The following GLI3 variants were observed in gnomAD, a reference collection of about 807,000 sequenced individuals.
GLI3 encodes transcription activator GLI3.
GLI3 carries 20 observed loss-of-function variants against 100.8 expected under a neutral mutation model. That is an observed-to-expected ratio of 0.20 (90% CI 0.14 to 0.29). The LOEUF is 0.29. Ranked by LOEUF, GLI3 falls within the 10% of genes least tolerant of loss-of-function variation. The probability of loss-of-function intolerance (pLI) is 1.00; values close to 1 mark genes in which losing one functional copy is unlikely to be tolerated. For missense variants in GLI3, 2,040 were observed against 2,128.5 expected, an observed-to-expected ratio of 0.96 and a Z score of 0.82; for synonymous variants, 938 against 860.5, an observed-to-expected ratio of 1.09 and a Z score of -1.58.
chr7:42,039,106 G>A (rs893092125), intron 7 of GLI3, among the ~76,000 whole-genome samples: 1 of 152,224 alleles, frequency 6.6e-6, no homozygotes, highest in Non-Finnish European at 1.5e-5. Flanking sequence ...TAGGGGAAAT[G>A]AGAGTTTAAA....
At position 41,960,962 on chromosome 7, in the gene GLI3, A is replaced by T. The variant is rs1430436724; in HGVS notation, c.*3368T>A. 1 of 152,520 alleles carries T rather than the reference A, an allele frequency of 6.6e-6. No individual in the cohort carries two copies. Among genetic ancestry groups the T allele is most frequent in the Non-Finnish European group, 1.5e-5 (1 of 68,004 alleles). The allele number at this position is 152,520 out of a possible 1,614,324, so 9.4% of individuals were successfully genotyped here. ...ACCCAATAAAAATTTCCATACAAAGAATTTTTTATTGACATTGTAAGAAAC... is the reference window on the plus strand; with the variant it reads ...ACCCAATAAAAATTTCCATACAAAGTATTTTTTATTGACATTGTAAGAAAC... On this transcript the variant is annotated 3_prime_UTR_variant, in exon 15 of 15. Transcript: ENST00000395925.
intron 2 of GLI3, among the ~76,000 whole-genome samples, chr7:42,165,868 C>T (rs1583614550): frequency 6.6e-6 from 1 of 152,132 alleles, no homozygotes; most frequent in Admixed American, 6.5e-5. Context: ...AAATCCAAAA[C>T]ATTGGGAAAC....
chr7:42,186,880 G>A (rs551581709), intron 2 of GLI3, among the ~76,000 whole-genome samples: 26 of 152,058 alleles, frequency 1.7e-4, no homozygotes, highest in Middle Eastern at 3.4e-3. Context: ...AAATGTTTTG[G>A]AGCCATCTAG....
intron 2 of GLI3, among the ~76,000 whole-genome samples, chr7:42,201,907 C>A (rs1788047184): frequency 6.6e-6 from 1 of 151,924 alleles, no homozygotes; most frequent in South Asian, 2.1e-4. Context: ...CATAGTGAAA[C>A]CCTGTCTCTA....
chr7:42,153,803 T>G (rs965665305), intron 2 of GLI3, among the ~76,000 whole-genome samples: 1 of 152,118 alleles, frequency 6.6e-6, no homozygotes, highest in African/African-American at 2.4e-5. Context: ...AGCAAACATC[T>G]TCCCCATCCT....
At chr7:42,024,410 G>C (rs1789040252) in intron 9 of GLI3, among the ~76,000 whole-genome samples, 1 of 145,178 alleles carries the variant, frequency 6.9e-6, no homozygotes, top group Admixed American at 7.1e-5. Context: ...CGATATGCAA[G>C]AGGAAAGATC....
At chr7:42,222,303 A>G (rs1018768698) in intron 2 of GLI3, among the ~76,000 whole-genome samples, 5 of 152,202 alleles carry the variant, frequency 3.3e-5, no homozygotes, top group African/African-American at 1.2e-4. Flanking sequence ...AACGAGGAAA[A>G]CGGGCCAGCT....
chr7:42,069,284 G>A (rs1164237540), intron 4 of GLI3, among the ~76,000 whole-genome samples: 1 of 152,170 alleles, frequency 6.6e-6, no homozygotes, highest in Non-Finnish European at 1.5e-5. Context: ...ACAGAAAGGA[G>A]TATACACCCT....
chr7:42,151,106 T>C (rs1207771260), intron 2 of GLI3: 5 of 152,148 alleles, frequency 3.3e-5, no homozygotes, highest in African/African-American at 4.8e-5. Context: ...AGGCAGGAAT[T>C]TTTTTTACGT....
chr7:42,068,126 A>G (rs745948148), intron 4 of GLI3, among the ~76,000 whole-genome samples: 4 of 152,258 alleles, frequency 2.6e-5, no homozygotes, highest in Admixed American at 6.5e-5. Context: ...TTCTTCCTGC[A>G]CACGTGTGTA....
intron 2 of GLI3, among the ~76,000 whole-genome samples, chr7:42,182,658 A>ATATATATATATACATGTGTG (rs1554337020): frequency 2.1e-4 from 12 of 56,020 alleles, no homozygotes; most frequent in South Asian, 6.3e-4. Context: ...ATATATATAT[A>ATATATATATATACATGTGTG]TATATATATA....
At chr7:42,174,057 AAAATT>A (rs1261687826) in intron 2 of GLI3, among the ~76,000 whole-genome samples, 1 of 152,224 alleles carries the variant, frequency 6.6e-6, no homozygotes, top group Non-Finnish European at 1.5e-5. Context: ...TTTTCTAAAA[AAAATT>A]AAATTAAATG....
intron 10 of GLI3, among the ~76,000 whole-genome samples, chr7:42,015,499 T>G (rs1788733077): frequency 6.6e-6 from 1 of 152,094 alleles, no homozygotes; most frequent in Non-Finnish European, 1.5e-5. Context: ...ATTAGAAAAC[T>G]GCTTTCTGTT....
chr7:42,087,863 CT>C (rs1262924779), intron 3 of GLI3, among the ~76,000 whole-genome samples: 1 of 152,172 alleles, frequency 6.6e-6, no homozygotes, highest in Non-Finnish European at 1.5e-5. Context: ...CCCTTAAACT[CT>C]GAACCCTCAC....
At position 41,977,748 on chromosome 7, in the gene GLI3, T is replaced by A. The variant is rs779684373; in HGVS notation, c.1648-26A>T. On this transcript the variant is annotated intron_variant, in intron 11 of 14. Coordinates refer to ENST00000395925, the MANE Select transcript of GLI3 (RefSeq NM_000168.6). ...CTGAGGACAACAGGTAAATCTGGAT[T>A]ACTCTGCACAATGGCAACAGCAGCT... is the stretch of plus-strand genomic sequence containing the variant. 3.1e-6 allele frequency: 5 copies of A among 1,609,066 alleles called. No individual in the cohort carries two copies. In the East Asian group the frequency reaches 8.9e-5, roughly 29 times the overall value.
intron 10 of GLI3, among the ~76,000 whole-genome samples, chr7:41,987,093 CAGACACAG>C (rs1438352050): frequency 3.4e-4 from 29 of 86,476 alleles, no homozygotes; most frequent in African/African-American, 1.3e-3. Flanking sequence ...TACACAGACA[CAGACACAG>C]ACACACACAC....
Position 41,966,000 on chromosome 7 carries a change from T to C in GLI3, c.3073A>G (p.Ser1025Gly), listed in dbSNP as rs1247064295. 3.1e-6 allele frequency: 5 copies of C among 1,602,374 alleles called. No homozygotes were observed. The highest frequency in any genetic ancestry group is 3.3e-5 in the Admixed American group (2 of 59,878). ...GLALPRVPRF[S>G]SLSSCNPPAM... ...GGGGGGTTGCAGCTGCTGAGGCTGC[T>C]GAAGCGCGGCACACGAGGCAGGGCC... Residue 1025 changes from serine to glycine, a missense_variant, in exon 15 of 15, where the codon AGC becomes GGC. Physicochemically the swap from Ser to Gly is moderately conservative, Grantham distance 56. Transcript: ENST00000395925.
chr7:42,096,472 C>T (rs1774089755), intron 3 of GLI3, among the ~76,000 whole-genome samples: 1 of 152,208 alleles, frequency 6.6e-6, no homozygotes, highest in African/African-American at 2.4e-5. Flanking sequence ...AACTTGGTAG[C>T]ATTGCTGAGT....
intron 2 of GLI3, among the ~76,000 whole-genome samples, chr7:42,192,222 G>A (rs904111260): frequency 6.6e-6 from 1 of 152,022 alleles, no homozygotes; most frequent in Non-Finnish European, 1.5e-5. Flanking sequence ...AGTTTAATGA[G>A]GTGACTCTAA....
Sources: gnomAD v4.1 joint callset for allele counts (sites outside exome capture counted in the v4.1 genomes callset) on GRCh38, gnomAD v4.1.1 for gene constraint, MANE v1.5 for transcripts, NCBI Gene and HGNC (gene_info 2026-07-23, HGNC 2026-07-21) for gene names.